LPCAT2: variants seen among roughly 807,000 people sequenced by gnomAD.
The protein encoded by LPCAT2 is 1-AGP acyltransferase 11.
A neutral mutation model predicts 64.7 loss-of-function variants in LPCAT2; 58 were observed. The observed-to-expected ratio is 0.90, with a 90% CI of 0.73 to 1.12. LPCAT2 has a LOEUF of 1.12. LPCAT2 is among the 50% of genes most tolerant of loss of function. The pLI, the probability that LPCAT2 is intolerant of heterozygous loss-of-function variation, is 0.00. For missense variants in LPCAT2, 579 were observed against 669.8 expected (o/e 0.86, Z 1.50); for synonymous variants, 252 against 245.3 (o/e 1.03, Z -0.26).
intron 1 of LPCAT2, among the ~76,000 whole-genome samples, chr16:55,514,254 A>C (rs193016492): frequency 3.9e-4 from 60 of 152,278 alleles, no homozygotes; most frequent in Non-Finnish European, 5.0e-4. Flanking sequence ...AAGGCTATGC[A>C]CATGTCCTGA....
chr16:55,580,509 A>G (rs1269847192), intron 13 of LPCAT2, among the ~76,000 whole-genome samples: 7 of 152,132 alleles, frequency 4.6e-5, no homozygotes, highest in African/African-American at 1.4e-4. Flanking sequence ...TTGGAGTTCA[A>G]CCTTTTTCTT....
chr16:55,539,547 T>C (rs1238333520), intron 8 of LPCAT2: 1 of 152,188 alleles, frequency 6.6e-6, no homozygotes, highest in Non-Finnish European at 1.5e-5. Context: ...CCCAGGTGAC[T>C]CCTAAATACT....
At chr16:55,542,185 A>G (rs770579299) in intron 8 of LPCAT2, among the ~76,000 whole-genome samples, 2 of 152,106 alleles carry the variant, frequency 1.3e-5, no homozygotes, top group African/African-American at 2.4e-5. Flanking sequence ...AGAATTTTAT[A>G]TATTGCTTGT....
chr16:55,524,830 C>T (rs1963145979), intron 1 of LPCAT2, among the ~76,000 whole-genome samples: 1 of 151,950 alleles, frequency 6.6e-6, no homozygotes, highest in African/African-American at 2.4e-5. Context: ...AATTTAACTC[C>T]CTCTGTGTTA....
chr16:55,569,170 G>A (rs889918803), intron 11 of LPCAT2, among the ~76,000 whole-genome samples: 2 of 152,170 alleles, frequency 1.3e-5, no homozygotes, highest in African/African-American at 4.8e-5. Context: ...AGTGAAATGT[G>A]GAGAGGTTGG....
chr16:55,558,130 A>G (rs1262450708), intron 11 of LPCAT2, among the ~76,000 whole-genome samples: 1 of 152,226 alleles, frequency 6.6e-6, no homozygotes, highest in Non-Finnish European at 1.5e-5. Flanking sequence ...CAGATGAGTG[A>G]GAGCTAAGAG....
chr16:55,541,748 A>G (rs1388818634), intron 8 of LPCAT2: 26 of 627,974 alleles, frequency 4.1e-5, no homozygotes, highest in Non-Finnish European at 5.7e-5. Flanking sequence ...CAGAAAATTT[A>G]TAGAGTTTTG....
At chr16:55,567,527 C>T in intron 11 of LPCAT2, 2 of 1,602,166 alleles carry the variant, frequency 1.2e-6, no homozygotes, top group Non-Finnish European at 1.7e-6. Flanking sequence ...AAGTCAAGAT[C>T]CTCCCTGGAG....
At chr16:55,573,044 C>G (rs761609938) in intron 11 of LPCAT2, among the ~76,000 whole-genome samples, 3 of 152,116 alleles carry the variant, frequency 2.0e-5, no homozygotes, top group East Asian at 1.9e-4. Context: ...AAACCTTGTT[C>G]CTTTAGGGAA....
chr16:55,582,897 TTTTC>T lies in LPCAT2; in HGVS notation c.1451-11_1451-8del, dbSNP rs1159801160. ...GATTCACCCCAACTTATTGGATTTT[TTTTC>T]TTTCTCTTCTAGAGGAATTTAAAAG... On this transcript the variant is annotated splice_polypyrimidine_tract_variant and intron_variant, in intron 13 of 13. Coordinates refer to ENST00000262134, the MANE Select transcript of LPCAT2 (RefSeq NM_017839.5). 1.9e-6 allele frequency: 3 copies of T among 1,554,954 alleles called. No individual in the cohort carries two copies. Among genetic ancestry groups the T allele is most frequent in the African/African-American group, 2.7e-5 (2 of 73,386 alleles).
At chr16:55,569,307 C>A (rs1963743949) in intron 11 of LPCAT2, among the ~76,000 whole-genome samples, 1 of 152,272 alleles carries the variant, frequency 6.6e-6, no homozygotes, top group South Asian at 2.1e-4. Context: ...TGTAATTTAA[C>A]CTTGGTCTGG....
rs1166637136 is a variant in LPCAT2, at chr16:55,584,614, T to C, written c.*1516T>C. 3 of 152,188 alleles carry C rather than the reference T, an allele frequency of 2.0e-5. No individual in the cohort carries two copies. Among genetic ancestry groups the C allele is most frequent in the Non-Finnish European group, 4.4e-5 (3 of 68,018 alleles). 9.4% of individuals were successfully genotyped at this position (152,188 alleles called of 1,614,324 possible). ...GAAATAAAACTCCTTGTTTTGGCCG[T>C]GTTTCTGAATGTATTGGTGATTCAC... On this transcript the variant is annotated 3_prime_UTR_variant, in exon 14 of 14. Coordinates refer to ENST00000262134, the MANE Select transcript of LPCAT2 (RefSeq NM_017839.5).
At chr16:55,580,974 T>C (rs1486318025) in intron 13 of LPCAT2, among the ~76,000 whole-genome samples, 1 of 152,144 alleles carries the variant, frequency 6.6e-6, no homozygotes, top group African/African-American at 2.4e-5. Context: ...CATGGAAAAA[T>C]TGTCTTCCAT....
intron 12 of LPCAT2, 89 bp from the exon 13 acceptor site, chr16:55,579,020 G>A: frequency 8.0e-7 from 1 of 1,246,098 alleles, no homozygotes; most frequent in African/African-American, 1.5e-5. Context: ...CACAGTAGAT[G>A]TTTGAATTAT....
chr16:55,576,463 C>T (rs934183912), intron 12 of LPCAT2, among the ~76,000 whole-genome samples: 23 of 151,628 alleles, frequency 1.5e-4, no homozygotes, highest in African/African-American at 3.7e-4. Context: ...GACTGACTGA[C>T]GCCAAAGTGG....
intron 11 of LPCAT2, among the ~76,000 whole-genome samples, chr16:55,560,190 A>C (rs2142406933): frequency 6.6e-6 from 1 of 152,288 alleles, no homozygotes; most frequent in East Asian, 1.9e-4. Context: ...ACAGAGTGAC[A>C]GTCCAAGATG....
chr16:55,549,185 G>T lies in LPCAT2; in HGVS notation c.936-92G>T. ...AAAAGTAGTAAATACTTTTTCATTT[G>T]CTGTCGTTTGGAACCAGTTAAAGCC... On this transcript the variant is annotated intron_variant, in intron 9 of 13. Transcript: ENST00000262134. 12 of 992,126 alleles carry T rather than the reference G, an allele frequency of 1.2e-5. No homozygotes were observed. In the South Asian group the frequency reaches 1.9e-4, roughly 16 times the overall value. 61.5% of individuals were successfully genotyped at this position (992,126 alleles called of 1,614,324 possible).
intron 11 of LPCAT2, chr16:55,567,108 G>A (rs779550180): frequency 3.1e-6 from 5 of 1,613,794 alleles, no homozygotes; most frequent in Non-Finnish European, 4.2e-6. Flanking sequence ...TAAGACTGAC[G>A]GTTTTAGTCT....
At chr16:55,570,511 T>C (rs1289963617) in intron 11 of LPCAT2, among the ~76,000 whole-genome samples, 2 of 152,096 alleles carry the variant, frequency 1.3e-5, no homozygotes, top group East Asian at 3.9e-4. Flanking sequence ...GGCGCACACC[T>C]GTAGTCCCTG....
Sources: allele counts gnomAD v4.1 joint callset (sites outside exome capture counted in the v4.1 genomes callset), GRCh38; gene constraint gnomAD v4.1.1; transcripts MANE v1.5; gene names NCBI Gene and HGNC (gene_info 2026-07-23, HGNC 2026-07-21).